PTCD3: variants seen among roughly 807,000 people sequenced by gnomAD.
PTCD3 encodes the protein pentatricopeptide repeat domain 3.
A neutral mutation model predicts 101.9 loss-of-function variants in PTCD3; 89 were observed. That is an observed-to-expected ratio of 0.87 (90% confidence interval 0.74 to 1.04). The LOEUF (loss-of-function observed/expected upper bound fraction) is 1.04, where lower values mean the gene tolerates loss of function less well. Among genes scored for constraint, PTCD3 ranks in the 50% least tolerant of loss-of-function variants. The pLI, the probability that PTCD3 is intolerant of heterozygous loss-of-function variation, is 0.00. For missense variants in PTCD3, 870 were observed against 828.2 expected, an observed-to-expected ratio of 1.05 and a Z score of -0.62; for synonymous variants, 296 against 278.5, an observed-to-expected ratio of 1.06 and a Z score of -0.63.
Position 86,106,273 on chromosome 2 carries a change from G to T in PTCD3, c.26G>T (p.Trp9Leu). MAVVSAVR[W>L]LGLRSRLGQP... ...ATGGCGGTTGTATCTGCTGTTCGCT[G>T]GCTGGGCCTCCGCAGCAGGCTTGGC... is the stretch of plus-strand genomic sequence containing the variant. The change falls in exon 1 of 24, where the codon TGG becomes TTG. Residue 9 changes from tryptophan (W) to leucine (L), a missense_variant. By Grantham distance (61) the Trp-to-Leu change is moderately conservative (BLOSUM62 -2). Coordinates refer to ENST00000254630, the MANE Select transcript of PTCD3 (RefSeq NM_017952.6). 6.2e-7 allele frequency: 1 copy of T among 1,613,960 alleles called. No individual in the cohort carries two copies. Among genetic ancestry groups the T allele is most frequent in the Non-Finnish European group, 8.5e-7 (1 of 1,179,996 alleles).
In PTCD3 at chr2:86,116,522, T is replaced by G. The variant is rs1674181085; in HGVS notation, c.241-8T>G. 1 of 1,600,664 alleles carries G rather than the reference T, an allele frequency of 6.2e-7. No homozygotes were observed. The highest frequency in any genetic ancestry group is 1.3e-5 in the African/African-American group (1 of 74,632). Reference sequence around the variant, plus strand: ...AAATATAGAAATTGTATTATGTCTTTTCCACAGGATACCACAGCTGTGCCT... The same window carrying G: ...AAATATAGAAATTGTATTATGTCTTGTCCACAGGATACCACAGCTGTGCCT... On this transcript the variant is annotated splice_polypyrimidine_tract_variant and splice_region_variant and intron_variant, in intron 4 of 23. Transcript: ENST00000254630.
At chr2:86,122,327 A>C (rs1000046984) in intron 8 of PTCD3, among the ~76,000 whole-genome samples, 1 of 152,186 alleles carries the variant, frequency 6.6e-6, no homozygotes, top group African/African-American at 2.4e-5. Context: ...CAAAAAAATC[A>C]TTTAAAAAGT....
Position 86,117,123 on chromosome 2 carries a change from A to G in PTCD3, c.378A>G (p.Lys126=). Residue 126 remains lysine, a synonymous_variant, in exon 6 of 24, where the codon AAA becomes AAG. Coordinates refer to ENST00000254630, the MANE Select transcript of PTCD3 (RefSeq NM_017952.6). ...VAKFIINSYP[K]YFQKDIAEPH... ...AGTTTATTATTAATTCATACCCCAA[A>G]TATTTTCAGAAGGACATAGCTGAAC... 6.9e-7 allele frequency: 1 copy of G among 1,450,684 alleles called. No homozygotes were observed. The highest frequency in any genetic ancestry group is 9.7e-7 in the Non-Finnish European group (1 of 1,031,644). 89.9% of individuals were successfully genotyped at this position (1,450,684 alleles called of 1,614,324 possible).
At chr2:86,114,003 G>A (rs571571777) in intron 4 of PTCD3, among the ~76,000 whole-genome samples, 20 of 151,354 alleles carry the variant, frequency 1.3e-4, no homozygotes, top group Non-Finnish European at 2.5e-4. Flanking sequence ...ATGGACCTCC[G>A]AGATATTCTC....
chr2:86,125,151 A>G (rs1674360532), intron 10 of PTCD3, 69 bp downstream of exon 10: 1 of 1,579,496 alleles, frequency 6.3e-7, no homozygotes, highest in African/African-American at 1.3e-5. Flanking sequence ...CAGAACTACT[A>G]ACATTTTGGG....
Position 86,123,185 on chromosome 2 carries a change from C to T in PTCD3, c.655-516C>T, listed in dbSNP as rs150291379. Among the ~76,000 whole-genome samples the T allele has an allele frequency of 6.3e-3, 959 of 151,926 alleles. 10 individuals carry two copies. The highest frequency in any genetic ancestry group is 0.022 in the African/African-American group (906 of 41,398). ...GCTGAGGCAGGAGAATTCCTTGAACCCAGGAGGTGGAGGTTGCAGTGAGCC... is the reference window on the plus strand; with the variant it reads ...GCTGAGGCAGGAGAATTCCTTGAACTCAGGAGGTGGAGGTTGCAGTGAGCC... On this transcript the variant is annotated intron_variant, in intron 8 of 23. Transcript: ENST00000254630.
chr2:86,115,873 T>C (rs965948536), intron 4 of PTCD3, among the ~76,000 whole-genome samples: 1 of 152,176 alleles, frequency 6.6e-6, no homozygotes, highest in Non-Finnish European at 1.5e-5. Context: ...GGAGGGACTC[T>C]TGGTGAAGTT....
intron 16 of PTCD3, among the ~76,000 whole-genome samples, 179 bp downstream of exon 16, chr2:86,131,285 C>T (rs1674490603): frequency 6.6e-6 from 1 of 151,914 alleles, no homozygotes; most frequent in South Asian, 2.1e-4. Context: ...CACTGTGTCC[C>T]CCATGCTGGA....
At position 86,127,163 on chromosome 2, in the gene PTCD3, G is replaced by A. The variant is rs1387223957; in HGVS notation, c.954G>A (p.Glu318=). ...CTTCTTGTTTTTTATTCACCTAGGAGCTGCTAAGACACATGGTTGCACAGA... is the reference window on the plus strand; with the variant it reads ...CTTCTTGTTTTTTATTCACCTAGGAACTGCTAAGACACATGGTTGCACAGA... ...KFEEKWSKIL[E]LLRHMVAQKV... is the part of the protein sequence containing the mutation. Residue 318 remains glutamate, a splice_region_variant and synonymous_variant, in exon 13 of 24, where the codon GAG becomes GAA. Coordinates refer to ENST00000254630, the MANE Select transcript of PTCD3 (RefSeq NM_017952.6). 1.1e-5 allele frequency: 17 copies of A among 1,610,088 alleles called. No homozygotes were observed. Among genetic ancestry groups the A allele is most frequent in the Non-Finnish European group, 1.4e-5 (16 of 1,178,312 alleles).
At chr2:86,110,320 T>A (rs928286470) in intron 3 of PTCD3, among the ~76,000 whole-genome samples, 1 of 152,228 alleles carries the variant, frequency 6.6e-6, no homozygotes, top group Non-Finnish European at 1.5e-5. Flanking sequence ...GGGAATTAGT[T>A]TTGATGAAAT....
At chr2:86,112,260 G>A (rs1674102212) in intron 4 of PTCD3, among the ~76,000 whole-genome samples, 2 of 147,970 alleles carry the variant, frequency 1.4e-5, no homozygotes, top group South Asian at 2.1e-4. Flanking sequence ...GTTTCGCTGT[G>A]CTCACCAGGA....
Position 86,136,978 on chromosome 2 carries a change from A to G in PTCD3, c.1821-4A>G. ...AAAGTTCACACTTTGCCTTTCTTTTACAGAAGTGAGTTGCTGAATGAGCTT... is the reference window on the plus strand; with the variant it reads ...AAAGTTCACACTTTGCCTTTCTTTTGCAGAAGTGAGTTGCTGAATGAGCTT... On this transcript the variant is annotated splice_polypyrimidine_tract_variant and splice_region_variant and intron_variant, in intron 22 of 23. Coordinates refer to ENST00000254630, the MANE Select transcript of PTCD3 (RefSeq NM_017952.6). 1.9e-6 allele frequency: 3 copies of G among 1,612,988 alleles called. No individual in the cohort carries two copies. The highest frequency in any genetic ancestry group is 2.5e-6 in the Non-Finnish European group (3 of 1,179,886).
In PTCD3 at chr2:86,141,727, A is replaced by G. The variant is rs1674688679; in HGVS notation, c.*4168A>G. 1 of 149,492 alleles carries G rather than the reference A, an allele frequency of 6.7e-6. No homozygotes were observed. Among genetic ancestry groups the G allele is most frequent in the Non-Finnish European group, 1.5e-5 (1 of 68,044 alleles). 9.3% of individuals were successfully genotyped at this position (149,492 alleles called of 1,614,324 possible). A position where few individuals can be genotyped will look rare whatever the true frequency, so the allele number is the denominator to read the frequency against. On this transcript the variant is annotated 3_prime_UTR_variant, in exon 24 of 24. Coordinates refer to ENST00000254630, the MANE Select transcript of PTCD3 (RefSeq NM_017952.6). ...AGTAAAACAGATTGAGGATGAAACC[A>G]AGACAGAAGTGATGATTTGGCTTTT...
intron 6 of PTCD3, among the ~76,000 whole-genome samples, chr2:86,117,699 C>T (rs185991185): frequency 8.5e-5 from 13 of 152,132 alleles, no homozygotes; most frequent in African/African-American, 3.1e-4. Context: ...TGGGCTCAAG[C>T]AAACACCCTT....
At chr2:86,125,126 A>G (rs753791488) in intron 10 of PTCD3, 44 bp downstream of exon 10, 4 of 1,605,156 alleles carry the variant, frequency 2.5e-6, no homozygotes, top group African/African-American at 1.3e-5. Context: ...TCCACCGATC[A>G]GGGTGTTTCA....
intron 17 of PTCD3, 38 bp from the exon 18 acceptor site, chr2:86,133,140 G>T (rs762362959): frequency 1.2e-6 from 2 of 1,602,124 alleles, no homozygotes. Context: ...TTAGACATAG[G>T]GACTTTAGAC....
Position 86,127,885 on chromosome 2 carries a change from G to A in PTCD3, c.1097-56G>A, listed in dbSNP as rs1363613461. ...AGTGTGTCTCAGTAAACTATGTTTT[G>A]GATTGCTGTGTTTTTACCTCATTGT... On this transcript the variant is annotated intron_variant, in intron 13 of 23. Coordinates refer to ENST00000254630, the MANE Select transcript of PTCD3 (RefSeq NM_017952.6). 1.3e-5 allele frequency: 17 copies of A among 1,337,736 alleles called. No individual in the cohort carries two copies. The South Asian group carries it at 1.4e-4, about 11-fold the overall frequency. The allele number at this position is 1,337,736 out of a possible 1,614,324, so 82.9% of individuals were successfully genotyped here.
intron 3 of PTCD3, among the ~76,000 whole-genome samples, chr2:86,109,383 G>T (rs1288901900): frequency 6.6e-6 from 1 of 150,424 alleles, no homozygotes; most frequent in Admixed American, 6.7e-5. Context: ...CTCCAGCCTG[G>T]GCGACAGAGC....
chr2:86,140,022 T>C lies in PTCD3; in HGVS notation c.*2463T>C, dbSNP rs1432926891. On this transcript the variant is annotated 3_prime_UTR_variant, in exon 24 of 24. Coordinates refer to ENST00000254630, the MANE Select transcript of PTCD3 (RefSeq NM_017952.6). ...GATGGCACTCAAAAGATTCTACATG[T>C]CTAGAATCAAACTCAAATCTGGCAC... The C allele has an allele frequency of 6.6e-6, 1 of 152,190 alleles. No homozygotes were observed. The highest frequency in any genetic ancestry group is 1.5e-5 in the Non-Finnish European group (1 of 68,030). The allele number at this position is 152,190 out of a possible 1,614,324, so 9.4% of individuals were successfully genotyped here. A position where few individuals can be genotyped will look rare whatever the true frequency, so the allele number is the denominator to read the frequency against.
Sources: allele counts gnomAD v4.1 joint callset (sites outside exome capture counted in the v4.1 genomes callset), GRCh38; gene constraint gnomAD v4.1.1; transcripts MANE v1.5; gene names NCBI Gene and HGNC (gene_info 2026-07-23, HGNC 2026-07-21).